Variants in SULF1 observed in about 807,000 individuals in gnomAD.
SULF1 encodes sulfatase 1, also known as extracellular sulfatase Sulf-1.
SULF1 carries 46 observed loss-of-function variants against 110.5 expected under a neutral mutation model. The ratio of observed to expected loss-of-function variants is 0.42; its 90% CI spans 0.33 to 0.53. SULF1 has a LOEUF of 0.53. Ranked by LOEUF, SULF1 falls within the 20% of genes least tolerant of loss-of-function variation. The pLI is 0.12. For synonymous variants in SULF1, 371 were observed against 387.1 expected (o/e 0.96, Z 0.49); for missense variants, 941 against 1,094.2 (o/e 0.86, Z 1.98).
At chr8:69,565,962 AC>A (rs1304514815) in intron 5 of SULF1, among the ~76,000 whole-genome samples, 3 of 151,796 alleles carry the variant, frequency 2.0e-5, no homozygotes, top group Non-Finnish European at 2.9e-5. Context: ...GAGAAACCCT[AC>A]CTGTTCTTCA....
chr8:69,521,882 AG>A (rs527373454), intron 3 of SULF1, among the ~76,000 whole-genome samples: 13 of 152,178 alleles, frequency 8.5e-5, no homozygotes, highest in African/African-American at 3.1e-4. Flanking sequence ...CCATTGAAAA[AG>A]ATGAGTGCTT....
chr8:69,602,277 A>G (rs963470345), intron 10 of SULF1, among the ~76,000 whole-genome samples: 2 of 152,248 alleles, frequency 1.3e-5, no homozygotes, highest in African/African-American at 4.8e-5. Flanking sequence ...AAAAAGAGCT[A>G]AAGGACTAGG....
At chr8:69,474,686 C>A (rs535746855) in intron 1 of SULF1, among the ~76,000 whole-genome samples, 79 of 152,298 alleles carry the variant, frequency 5.2e-4, no homozygotes, top group African/African-American at 1.9e-3. Context: ...TGTGTTATCA[C>A]ATTCTTTTTC....
intron 1 of SULF1, among the ~76,000 whole-genome samples, chr8:69,475,040 A>G (rs1177678462): frequency 6.6e-6 from 1 of 152,150 alleles, no homozygotes; most frequent in Non-Finnish European, 1.5e-5. Flanking sequence ...CAATTTGGAA[A>G]TATAATGAAG....
intron 3 of SULF1, among the ~76,000 whole-genome samples, chr8:69,515,103 C>A (rs1811834394): frequency 6.6e-6 from 1 of 152,194 alleles, no homozygotes. Context: ...GGCAATGCCC[C>A]TGTGGGAACT....
chr8:69,527,611 G>A (rs1812787291), intron 3 of SULF1, among the ~76,000 whole-genome samples: 1 of 152,114 alleles, frequency 6.6e-6, no homozygotes, highest in South Asian at 2.1e-4. Context: ...CAGAATTGCA[G>A]GTGTCTCCAC....
At chr8:69,509,051 CT>C (rs1442570386) in intron 3 of SULF1, among the ~76,000 whole-genome samples, 3 of 152,214 alleles carry the variant, frequency 2.0e-5, no homozygotes, top group Admixed American at 2.0e-4. Context: ...TTAGAATGTA[CT>C]TGTCCCATTT....
intron 6 of SULF1, among the ~76,000 whole-genome samples, chr8:69,582,060 G>A (rs1806110318): frequency 6.6e-6 from 1 of 152,114 alleles, no homozygotes; most frequent in Non-Finnish European, 1.5e-5. Flanking sequence ...TAAGTCAAAG[G>A]GGAATGCCAT....
At chr8:69,547,448 A>G (rs1442710041) in intron 3 of SULF1, among the ~76,000 whole-genome samples, 1 of 152,224 alleles carries the variant, frequency 6.6e-6, no homozygotes, top group Non-Finnish European at 1.5e-5. Context: ...ATAACTAAAT[A>G]TGTGTTAGAG....
intron 2 of SULF1, among the ~76,000 whole-genome samples, chr8:69,496,775 C>T (rs1423332615): frequency 1.3e-5 from 2 of 152,214 alleles, no homozygotes; most frequent in Non-Finnish European, 2.9e-5. Flanking sequence ...TTACTCCCAA[C>T]TGGGTGCTGC....
At position 69,537,509 on chromosome 8, in the gene SULF1, A is replaced by G. The variant is rs1813507386; in HGVS notation, c.-133-26030A>G. Among the ~76,000 whole-genome samples, 4 of 152,324 alleles carry G rather than the reference A, an allele frequency of 2.6e-5. No homozygotes were observed. In the South Asian group the frequency reaches 6.2e-4, roughly 24 times the overall value. On this transcript the variant is annotated intron_variant, in intron 3 of 22. Transcript: ENST00000402687. ...CAAGAGTATACCATATTAAATAGAT[A>G]TAAAAATTCTTAATTCTACCCTCAG... is the stretch of plus-strand genomic sequence containing the variant.
chr8:69,640,880 C>T (rs367669237), intron 22 of SULF1, 39 bp downstream of exon 22: 6 of 1,591,748 alleles, frequency 3.8e-6, no homozygotes, highest in Non-Finnish European at 5.1e-6. Context: ...AGCTTCTTCC[C>T]CAATAATTGC....
At chr8:69,485,475 T>C (rs1002434854) in intron 1 of SULF1, among the ~76,000 whole-genome samples, 1 of 152,200 alleles carries the variant, frequency 6.6e-6, no homozygotes. Context: ...CTGTTGTCAC[T>C]CCCTTGGCTG....
At chr8:69,531,318 T>A (rs1469777959) in intron 3 of SULF1, among the ~76,000 whole-genome samples, 1 of 152,216 alleles carries the variant, frequency 6.6e-6, no homozygotes, top group African/African-American at 2.4e-5. Context: ...AATACATTGT[T>A]ATCTCCTTAA....
intron 2 of SULF1, among the ~76,000 whole-genome samples, chr8:69,497,971 T>C (rs1341479393): frequency 6.6e-6 from 1 of 152,182 alleles, no homozygotes; most frequent in African/African-American, 2.4e-5. Flanking sequence ...AATGTCAAAT[T>C]AATCACCATA....
intron 10 of SULF1, among the ~76,000 whole-genome samples, chr8:69,602,619 A>G (rs1004160373): frequency 2.6e-5 from 4 of 152,126 alleles, no homozygotes; most frequent in Non-Finnish European, 5.9e-5. Context: ...GATGTTCTGA[A>G]TCTCCCCCGA....
intron 13 of SULF1, among the ~76,000 whole-genome samples, chr8:69,609,636 C>T (rs1490438330): frequency 1.3e-5 from 2 of 152,228 alleles, no homozygotes; most frequent in African/African-American, 4.8e-5. Flanking sequence ...CATCTCTTCA[C>T]TTCACGTTGA....
chr8:69,589,577 G>T (rs1353568501), intron 8 of SULF1, among the ~76,000 whole-genome samples: 1 of 152,218 alleles, frequency 6.6e-6, no homozygotes, highest in Non-Finnish European at 1.5e-5. Context: ...TAGCAGCTTT[G>T]CTGCAGACGT....
At chr8:69,571,154 G>A (rs552711604) in intron 5 of SULF1, among the ~76,000 whole-genome samples, 2 of 152,226 alleles carry the variant, frequency 1.3e-5, no homozygotes, top group Non-Finnish European at 2.9e-5. Context: ...GTTGACCTCT[G>A]TTCTCTCCTC....
Sources: gnomAD v4.1 joint callset for allele counts (sites outside exome capture counted in the v4.1 genomes callset) on GRCh38, gnomAD v4.1.1 for gene constraint, MANE v1.5 for transcripts, NCBI Gene and HGNC (gene_info 2026-07-23, HGNC 2026-07-21) for gene names.